The following RASSF3 variants were observed in gnomAD, a reference collection of about 807,000 sequenced individuals.
RASSF3 encodes the protein Ras association domain family member 3, also known as ras association domain-containing protein 3.
RASSF3 carries 19 observed loss-of-function variants against 19.9 expected under a neutral mutation model. The ratio of observed to expected loss-of-function variants is 0.96; its 90% CI spans 0.67 to 1.40. The LOEUF (loss-of-function observed/expected upper bound fraction) is 1.40. Ranked by LOEUF, RASSF3 falls within the 40% of genes most tolerant of loss-of-function variation. The probability of loss-of-function intolerance (pLI) is 0.00; values close to 1 mark genes in which losing one functional copy is unlikely to be tolerated. For synonymous variants in RASSF3, 110 were observed against 104.2 expected (o/e 1.06, Z -0.34); for missense variants, 306 against 289.8 (o/e 1.06, Z -0.41).
chr12:64,565,686 C>T (rs1052917404), intron 2 of RASSF3, among the ~76,000 whole-genome samples: 1 of 152,044 alleles, frequency 6.6e-6, no homozygotes, highest in African/African-American at 2.4e-5. Flanking sequence ...GCACTCCAGC[C>T]TGGGGGACAA....
intron 1 of RASSF3, among the ~76,000 whole-genome samples, chr12:64,670,858 G>C (rs1192324691): frequency 6.6e-6 from 1 of 152,140 alleles, no homozygotes; most frequent in African/African-American, 2.4e-5. Flanking sequence ...TCACTTGCTT[G>C]GCTTCATTGG....
intron 2 of RASSF3, among the ~76,000 whole-genome samples, chr12:64,595,004 T>C (rs936622977): frequency 6.7e-6 from 1 of 149,340 alleles, no homozygotes; most frequent in Non-Finnish European, 1.5e-5. Flanking sequence ...CACACACACA[T>C]GCACACTACA....
chr12:64,623,765 C>T (rs1870882319), intron 1 of RASSF3, among the ~76,000 whole-genome samples: 1 of 151,946 alleles, frequency 6.6e-6, no homozygotes, highest in South Asian at 2.1e-4. Context: ...GCCTCAGCTT[C>T]CCGAGTAGCT....
intron 2 of RASSF3, among the ~76,000 whole-genome samples, chr12:64,571,890 G>A (rs1368662992): frequency 1.3e-5 from 2 of 152,198 alleles, no homozygotes; most frequent in Non-Finnish European, 2.9e-5. Flanking sequence ...GTGGGGACAA[G>A]CAGTGATTTT....
At chr12:64,514,803 G>T (rs576934203) in intron 1 of RASSF3, among the ~76,000 whole-genome samples, 1 of 152,220 alleles carries the variant, frequency 6.6e-6, no homozygotes, top group South Asian at 2.1e-4. Context: ...CTTTATAGCT[G>T]CCCTGTGTCC....
Position 64,695,447 on chromosome 12 carries a change from G to T in RASSF3, c.*535G>T, listed in dbSNP as rs1592479155. On this transcript the variant is annotated 3_prime_UTR_variant, in exon 5 of 5. Coordinates refer to ENST00000542104, the MANE Select transcript of RASSF3 (RefSeq NM_178169.4). ...ATTTATTGTGAAGGATTTTGTTAGG[G>T]GGTTGACAGAGAAAGCAAAGTGTAA... 2 of 152,748 alleles carry T rather than the reference G, an allele frequency of 1.3e-5. No individual in the cohort carries two copies. Among genetic ancestry groups the T allele is most frequent in the African/African-American group, 4.8e-5 (2 of 41,404 alleles). 9.5% of individuals were successfully genotyped at this position (152,748 alleles called of 1,614,324 possible).
chr12:64,612,077 G>A (rs561686970), intron 1 of RASSF3, among the ~76,000 whole-genome samples: 50 of 152,290 alleles, frequency 3.3e-4, no homozygotes, highest in Admixed American at 7.8e-4. Context: ...TTTCAGCAGA[G>A]TGTGTTCTGA....
chr12:64,691,957 CAA>C (rs1336037790), intron 4 of RASSF3, among the ~76,000 whole-genome samples: 7 of 152,176 alleles, frequency 4.6e-5, no homozygotes, highest in South Asian at 2.1e-4. Context: ...TTGCTACTAA[CAA>C]AAGTCTCCAG....
At chr12:64,581,853 G>T (rs1869706785) in intron 2 of RASSF3, among the ~76,000 whole-genome samples, 1 of 150,268 alleles carries the variant, frequency 6.7e-6, no homozygotes, top group Admixed American at 6.6e-5. Flanking sequence ...AAAAGAGATT[G>T]ACCTTTTTTT....
chr12:64,591,528 A>G (rs1427083386), intron 2 of RASSF3, among the ~76,000 whole-genome samples: 1 of 151,906 alleles, frequency 6.6e-6, no homozygotes, highest in East Asian at 1.9e-4. Context: ...AATCATGTGC[A>G]TTTAGCAGTT....
At chr12:64,667,252 G>T (rs531217123) in intron 1 of RASSF3, among the ~76,000 whole-genome samples, 1 of 152,148 alleles carries the variant, frequency 6.6e-6, no homozygotes, top group Non-Finnish European at 1.5e-5. Context: ...GAAAGTAAGT[G>T]TACCTAGTTA....
intron 2 of RASSF3, among the ~76,000 whole-genome samples, chr12:64,549,697 C>T (rs1869123993): frequency 6.6e-6 from 1 of 152,168 alleles, no homozygotes. Flanking sequence ...CCAGCACAGC[C>T]TCTCTCTCCT....
At chr12:64,607,668 C>T (rs1041064293), upstream of RASSF3, among the ~76,000 whole-genome samples, 1 of 152,198 alleles carries the variant, frequency 6.6e-6, no homozygotes, top group Admixed American at 6.5e-5. Context: ...AGCCACCTCA[C>T]TCGGCCCTTT....
chr12:64,554,673 AT>A (rs1869227770), intron 2 of RASSF3, among the ~76,000 whole-genome samples: 1 of 152,168 alleles, frequency 6.6e-6, no homozygotes. Context: ...CTTTCAAGGA[AT>A]TTTGCTCCCA....
intron 1 of RASSF3, among the ~76,000 whole-genome samples, chr12:64,680,753 A>G (rs1426849611): frequency 6.6e-6 from 1 of 151,982 alleles, no homozygotes; most frequent in East Asian, 1.9e-4. Context: ...AGCTGGGACT[A>G]CAGGTGCTTG....
chr12:64,634,257 A>G (rs1871254575), intron 1 of RASSF3, among the ~76,000 whole-genome samples: 1 of 151,460 alleles, frequency 6.6e-6, no homozygotes, highest in Non-Finnish European at 1.5e-5. Context: ...TTTTCTTGCA[A>G]ATTGACACAG....
In RASSF3 at chr12:64,523,231, C is replaced by A. The variant is rs535808597; in HGVS notation, c.169+15902C>A. ...GACCAGCCTGGCCAACATGGCGAAA[C>A]CCCATCTCTATGAAAAATACAAAAA... On this transcript the variant is annotated intron_variant, in intron 1 of 5. Transcript: ENST00000637125. Among the ~76,000 whole-genome samples the A allele has an allele frequency of 1.5e-4, 23 of 152,140 alleles. No homozygotes were observed. The South Asian group carries it at 4.4e-3, about 29-fold the overall frequency.
intron 2 of RASSF3, among the ~76,000 whole-genome samples, chr12:64,550,740 C>T (rs898104023): frequency 2.1e-5 from 3 of 144,142 alleles, no homozygotes; most frequent in Non-Finnish European, 3.0e-5. Context: ...GGGAGAATTG[C>T]GTGAGCCCAG....
rs904027274 is a variant in RASSF3, at chr12:64,694,884, C to T, written c.689C>T (p.Ala230Val). The T allele has an allele frequency of 6.2e-7, 1 of 1,614,192 alleles. No individual in the cohort carries two copies. Among genetic ancestry groups the T allele is most frequent in the Non-Finnish European group, 8.5e-7 (1 of 1,180,030 alleles). ...YTAYRQKLEE[A>V]LREVWKPD ...GCCTACAGGCAGAAGCTGGAAGAAG[C>T]CCTCCGTGAGGTGTGGAAGCCTGAT... Residue 230 changes from alanine to valine, a missense_variant, in exon 5 of 5, where the codon GCC becomes GTC. Physicochemically the swap from Ala to Val is moderately conservative, Grantham distance 64. Coordinates refer to ENST00000542104, the MANE Select transcript of RASSF3 (RefSeq NM_178169.4).
Sources: allele counts gnomAD v4.1 joint callset (sites outside exome capture counted in the v4.1 genomes callset), GRCh38; gene constraint gnomAD v4.1.1; transcripts MANE v1.5; gene names NCBI Gene and HGNC (gene_info 2026-07-23, HGNC 2026-07-21).